FOXP2: variants seen among roughly 807,000 people sequenced by gnomAD.
The protein encoded by FOXP2 is forkhead box protein P2.
FOXP2 carries 12 observed loss-of-function variants against 115.8 expected under a neutral mutation model. That is an observed-to-expected ratio of 0.10 (90% confidence interval 0.07 to 0.17). The LOEUF (loss-of-function observed/expected upper bound fraction) is 0.17, where lower values mean the gene tolerates loss of function less well. FOXP2 is among the 10% of genes least tolerant of loss of function. FOXP2 has a pLI of 1.00. For missense variants in FOXP2, 629 were observed against 843.5 expected (o/e 0.75, Z 3.15); for synonymous variants, 328 against 297.7 (o/e 1.10, Z -1.05).
intron 2 of FOXP2, among the ~76,000 whole-genome samples, chr7:114,355,743 C>T (rs534449660): frequency 5.3e-5 from 8 of 152,012 alleles, no homozygotes; most frequent in East Asian, 1.9e-4. Context: ...ATATGATGGC[C>T]GGGGCTAGTT....
At chr7:114,227,038 A>C (rs559642281) in intron 1 of FOXP2, among the ~76,000 whole-genome samples, 2 of 152,140 alleles carry the variant, frequency 1.3e-5, no homozygotes, top group African/African-American at 4.8e-5. Flanking sequence ...TCTCCCCTTG[A>C]AACTTTAATT....
At chr7:114,178,506 C>T (rs887458227) in intron 1 of FOXP2, among the ~76,000 whole-genome samples, 2 of 151,946 alleles carry the variant, frequency 1.3e-5, no homozygotes, top group Admixed American at 1.3e-4. Flanking sequence ...TGAGATACAA[C>T]TTGTTCTAGT....
intron 1 of FOXP2, among the ~76,000 whole-genome samples, chr7:114,101,033 C>A (rs938635996): frequency 2.6e-5 from 4 of 152,028 alleles, no homozygotes; most frequent in Non-Finnish European, 1.5e-5. Context: ...GAGTCAGAGA[C>A]AAGACTGTTA....
intron 2 of FOXP2, among the ~76,000 whole-genome samples, chr7:114,519,197 C>T (rs1236515586): frequency 1.3e-5 from 2 of 152,046 alleles, no homozygotes; most frequent in Non-Finnish European, 2.9e-5. Context: ...GTAGCAATAC[C>T]ATAGAAGCTC....
chr7:114,579,937 T>C (rs953501945), intron 3 of FOXP2, among the ~76,000 whole-genome samples: 19 of 152,190 alleles, frequency 1.2e-4, no homozygotes, highest in Non-Finnish European at 2.6e-4. Context: ...GATTCAATCA[T>C]TGTACTGAGG....
intron 2 of FOXP2, among the ~76,000 whole-genome samples, chr7:114,457,742 C>CA (rs1322290730): frequency 6.6e-6 from 1 of 151,874 alleles, no homozygotes; most frequent in Non-Finnish European, 1.5e-5. Context: ...ACTAAAAATA[C>CA]AAAAAACTAG....
chr7:114,417,884 A>ATTTGAATGTAAG, intron 1 of FOXP2, among the ~76,000 whole-genome samples: 1 of 152,070 alleles, frequency 6.6e-6, no homozygotes, highest in South Asian at 2.1e-4. Flanking sequence ...AAATGATACT[A>ATTTGAATGTAAG]TGAAAGAAAT....
chr7:114,677,566 T>C (rs1443545796), intron 16 of FOXP2, among the ~76,000 whole-genome samples: 1 of 152,206 alleles, frequency 6.6e-6, no homozygotes, highest in Non-Finnish European at 1.5e-5. Context: ...TCTAAAAGGA[T>C]AAACTTTCCC....
chr7:114,455,746 G>A (rs752685172), intron 2 of FOXP2, among the ~76,000 whole-genome samples: 3 of 152,052 alleles, frequency 2.0e-5, no homozygotes, highest in South Asian at 2.1e-4. Flanking sequence ...AGTGATTCAC[G>A]TAAAATGAAT....
At chr7:114,373,758 A>G (rs973153913) in intron 2 of FOXP2, among the ~76,000 whole-genome samples, 1 of 152,206 alleles carries the variant, frequency 6.6e-6, no homozygotes, top group Non-Finnish European at 1.5e-5. Context: ...TGGGCTAGGT[A>G]CTTTCCATAC....
At chr7:114,170,930 A>G (rs997210008) in intron 1 of FOXP2, among the ~76,000 whole-genome samples, 26 of 152,234 alleles carry the variant, frequency 1.7e-4, no homozygotes, top group African/African-American at 4.6e-4. Flanking sequence ...CAGATTTTCA[A>G]TGTGGATAGA....
intron 2 of FOXP2, among the ~76,000 whole-genome samples, chr7:114,446,118 G>A (rs1409673454): frequency 6.6e-6 from 1 of 151,992 alleles, no homozygotes; most frequent in Non-Finnish European, 1.5e-5. Context: ...ATTTTAAAAT[G>A]TGTAGATTTT....
intron 6 of FOXP2, among the ~76,000 whole-genome samples, chr7:114,639,259 T>C (rs1805395338): frequency 6.6e-6 from 1 of 152,170 alleles, no homozygotes. Context: ...GCAATATTCA[T>C]ATAGAGTATG....
intron 5 of FOXP2, among the ~76,000 whole-genome samples, chr7:114,630,253 C>A (rs1804829200): frequency 6.6e-6 from 1 of 152,044 alleles, no homozygotes; most frequent in Non-Finnish European, 1.5e-5. Flanking sequence ...GTACAAAGAG[C>A]AAGCTGTGTG....
intron 2 of FOXP2, among the ~76,000 whole-genome samples, chr7:114,489,829 C>T (rs889803033): frequency 3.9e-5 from 6 of 152,044 alleles, no homozygotes; most frequent in Non-Finnish European, 8.8e-5. Flanking sequence ...TGAAAAGATG[C>T]TCCACATTGT....
At chr7:114,677,940 A>C (rs1807864635) in intron 16 of FOXP2, among the ~76,000 whole-genome samples, 1 of 152,244 alleles carries the variant, frequency 6.6e-6, no homozygotes, top group South Asian at 2.1e-4. Flanking sequence ...GCAGATGATC[A>C]GTGTCTACAG....
At chr7:114,087,055 C>T (rs888756228), upstream of FOXP2, among the ~76,000 whole-genome samples, 2 of 152,042 alleles carry the variant, frequency 1.3e-5, no homozygotes, top group East Asian at 3.9e-4. Flanking sequence ...CCTCCCCGCA[C>T]CCCCACCCCC....
In FOXP2 at chr7:114,328,238, T is replaced by TTC. The variant is rs1235322280; in HGVS notation, c.-11+40130_-11+40131insCT. 1.1e-3 allele frequency among the ~76,000 whole-genome samples: 145 copies of TTC among 135,898 alleles called. 1 individual carries two copies. Among genetic ancestry groups the TTC allele is most frequent in the African/African-American group, 4.1e-3 (138 of 33,314 alleles). The allele number at this position is 135,898 out of a possible 152,430, so 89.2% of individuals were successfully genotyped here. Reference sequence around the variant, plus strand: ...TCAGCCCTTTCTTTTCTTTTCTTTTTTTTTTTTTTTTTTTTTGAGACAGAG... The same window carrying TTC: ...TCAGCCCTTTCTTTTCTTTTCTTTTTTCTTTTTTTTTTTTTTTTGAGACAGAG... On this transcript the variant is annotated intron_variant, in intron 2 of 17. Coordinates refer to the FOXP2 transcript ENST00000634411.
At chr7:114,403,460 T>G (rs564930376) in intron 2 of FOXP2, among the ~76,000 whole-genome samples, 24 of 152,222 alleles carry the variant, frequency 1.6e-4, no homozygotes, top group African/African-American at 5.5e-4. Flanking sequence ...ATGAAAAGAG[T>G]GAATCACTGT....
Sources: gnomAD v4.1 joint callset for allele counts (sites outside exome capture counted in the v4.1 genomes callset) on GRCh38, gnomAD v4.1.1 for gene constraint, MANE v1.5 for transcripts, NCBI Gene and HGNC (gene_info 2026-07-23, HGNC 2026-07-21) for gene names.